The following HK1 variants were observed in gnomAD, a reference collection of about 807,000 sequenced individuals.
HK1 encodes hexokinase 1.
HK1 carries 28 observed loss-of-function variants against 91.6 expected under a neutral mutation model. The ratio of observed to expected loss-of-function variants is 0.31; its 90% CI spans 0.23 to 0.42. The LOEUF is 0.42. Ranked by LOEUF, HK1 falls within the 10% of genes least tolerant of loss-of-function variation. HK1 has a pLI of 1.00. For synonymous variants in HK1, 430 were observed against 468.1 expected (o/e 0.92, Z 1.05); for missense variants, 770 against 1,219.8 (o/e 0.63, Z 5.49).
chr10:69,312,761 A>G (rs760830134), upstream of HK1, among the ~76,000 whole-genome samples: 1 of 152,176 alleles, frequency 6.6e-6, no homozygotes, highest in African/African-American at 2.4e-5. Flanking sequence ...AGAGAATCAG[A>G]TAACGGGAAG....
rs541235416 is a variant in HK1 at position 69,357,163 on chromosome 10, A to G, written c.227-2734A>G. ...CTTGAAAAGTTAAACATGGGTTACT[A>G]TTTGACAGCGATTCTTGTCCTAGGT... On this transcript the variant is annotated intron_variant, in intron 2 of 17. Coordinates refer to ENST00000359426, the MANE Select transcript of HK1 (RefSeq NM_000188.3). 1.2e-3 allele frequency among the ~76,000 whole-genome samples: 183 copies of G among 152,330 alleles called. 1 individual carries two copies. Among genetic ancestry groups the G allele is most frequent in the Non-Finnish European group, 1.7e-3 (119 of 68,030 alleles).
At chr10:69,331,932 G>T (rs1454364335) in intron 1 of HK1, among the ~76,000 whole-genome samples, 1 of 151,994 alleles carries the variant, frequency 6.6e-6, no homozygotes, top group Non-Finnish European at 1.5e-5. Context: ...ACAACATTTT[G>T]GATATACTGG....
At chr10:69,335,268 G>T (rs564935264) in intron 1 of HK1, among the ~76,000 whole-genome samples, 1 of 152,320 alleles carries the variant, frequency 6.6e-6, no homozygotes, top group South Asian at 2.1e-4. Flanking sequence ...GCGGGCCCAG[G>T]CTCTCAGCTT....
In HK1 at chr10:69,280,156, C is replaced by T. The variant is rs185238709; in HGVS notation, c.-390-2373C>T. Among the ~76,000 whole-genome samples the T allele has an allele frequency of 1.6e-3, 244 of 152,108 alleles. 1 individual carries two copies. Among genetic ancestry groups the T allele is most frequent in the Middle Eastern group, 3.4e-3 (1 of 294 alleles). On this transcript the variant is annotated intron_variant, in intron 1 of 21. Transcript: ENST00000360289. ...TTTTTTTTTTAGACAGAGTCTCGCA[C>T]TGTCACCCAGGCTGGAGAGATCTCG...
chr10:69,330,246 C>T (rs1395896916), intron 1 of HK1, among the ~76,000 whole-genome samples: 1 of 152,136 alleles, frequency 6.6e-6, no homozygotes, highest in Non-Finnish European at 1.5e-5. Flanking sequence ...AGTAGGAGAC[C>T]CAGGCTACTG....
At chr10:69,318,794 C>T (rs976340783), upstream of HK1, 4 of 1,375,728 alleles carry the variant, frequency 2.9e-6, no homozygotes, top group Non-Finnish European at 3.8e-6. Context: ...ACCGGGAGCG[C>T]GCGAGCTGTC....
intron 7 of HK1, among the ~76,000 whole-genome samples, chr10:69,370,297 G>T (rs557165501): frequency 3.9e-4 from 59 of 151,874 alleles, no homozygotes; most frequent in Non-Finnish European, 7.5e-4. Flanking sequence ...AGATCAAGAG[G>T]TGAATGGGAG....
chr10:69,324,201 A>G, intron 1 of HK1, among the ~76,000 whole-genome samples: 1 of 152,200 alleles, frequency 6.6e-6, no homozygotes, highest in Non-Finnish European at 1.5e-5. Flanking sequence ...ATTTCTTTAA[A>G]AAATGTTTGA....
At chr10:69,318,714 C>G, upstream of HK1, 6 of 734,262 alleles carry the variant, frequency 8.2e-6, no homozygotes, top group Non-Finnish European at 9.8e-6. Flanking sequence ...AGAGGCGCGC[C>G]GCAACCAATG....
intron 15 of HK1, 119 bp from the exon 16 acceptor site, chr10:69,394,831 A>T (rs1840063536): frequency 8.2e-6 from 8 of 979,996 alleles, no homozygotes; most frequent in Non-Finnish European, 1.1e-5. Flanking sequence ...GGCTGGGCAC[A>T]TGGCTGTTGA....
At chr10:69,273,104 C>A (rs1844258503) in intron 1 of HK1, among the ~76,000 whole-genome samples, 1 of 149,512 alleles carries the variant, frequency 6.7e-6, no homozygotes, top group Non-Finnish European at 1.5e-5. Context: ...AATCTCAGCT[C>A]ACTGAAATTT....
At position 69,401,680 on chromosome 10, in the gene HK1, G is replaced by A. The variant is rs1840399472; in HGVS notation, c.*545G>A. 7 of 307,196 alleles carry A rather than the reference G, an allele frequency of 2.3e-5. No homozygotes were observed. Among genetic ancestry groups the A allele is most frequent in the South Asian group, 5.2e-5 (2 of 38,344 alleles). 19.0% of individuals were successfully genotyped at this position (307,196 alleles called of 1,614,324 possible). ...CGTGGTGTGTCAATGCCACAAAATC[G>A]TGTGTCCGTGGAACCAGTCCTAGCC... On this transcript the variant is annotated 3_prime_UTR_variant, in exon 18 of 18. Transcript: ENST00000359426.
At chr10:69,341,839 T>C (rs1848305968) in intron 1 of HK1, among the ~76,000 whole-genome samples, 2 of 152,000 alleles carry the variant, frequency 1.3e-5, no homozygotes, top group South Asian at 2.1e-4. Context: ...AAAAAGGTGG[T>C]AGGGCTAGTG....
At chr10:69,328,388 C>T (rs1371089250) in intron 1 of HK1, among the ~76,000 whole-genome samples, 1 of 152,212 alleles carries the variant, frequency 6.6e-6, no homozygotes, top group Non-Finnish European at 1.5e-5. Flanking sequence ...AGGCGCCCGG[C>T]TTTTCTTTTT....
intron 1 of HK1, among the ~76,000 whole-genome samples, chr10:69,338,848 AGAG>A (rs1228128336): frequency 6.6e-6 from 1 of 151,978 alleles, no homozygotes; most frequent in Non-Finnish European, 1.5e-5. Flanking sequence ...GATGCTGTGG[AGAG>A]GAGGACAGAA....
In HK1 at chr10:69,276,108, A is replaced by ATATATAT. The variant is rs1352397297; in HGVS notation, c.-391+6000_-391+6001insTATATAT. Among the ~76,000 whole-genome samples the ATATATAT allele has an allele frequency of 1.7e-3, 84 of 48,912 alleles. 1 individual carries two copies. The highest frequency in any genetic ancestry group is 3.2e-3 in the Non-Finnish European group (79 of 25,034). 32.1% of individuals were successfully genotyped at this position (48,912 alleles called of 152,430 possible). Reference sequence around the variant, plus strand: ...TCCTTTTCAAAAAAAAAAAAAAAAAAAAAAAAAAAAATACATATATATATA... The same window carrying ATATATAT: ...TCCTTTTCAAAAAAAAAAAAAAAAAATATATATAAAAAAAAAAATACATATATATATA... On this transcript the variant is annotated intron_variant, in intron 1 of 21. Coordinates refer to the HK1 transcript ENST00000360289.
At position 69,385,677 on chromosome 10, in the gene HK1, C is replaced by T. The variant is rs191484660; in HGVS notation, c.1840-646C>T. 3.0e-4 allele frequency among the ~76,000 whole-genome samples: 46 copies of T among 152,270 alleles called. 1 individual carries two copies. In the East Asian group the frequency reaches 8.3e-3, roughly 27 times the overall value. On this transcript the variant is annotated intron_variant, in intron 12 of 17. Coordinates refer to ENST00000359426, the MANE Select transcript of HK1 (RefSeq NM_000188.3). ...AGGGTTTAAGGCTTAATGAGCAGCC[C>T]TAGGAGAGTTAGGTAGGGTCACCTA...
intron 4 of HK1, among the ~76,000 whole-genome samples, chr10:69,367,272 C>T (rs1380692978): frequency 6.6e-6 from 1 of 152,208 alleles, no homozygotes; most frequent in Non-Finnish European, 1.5e-5. Context: ...AGCACAGACC[C>T]TCAATTTCCC....
At chr10:69,383,274 A>C (rs1453198934) in intron 10 of HK1, among the ~76,000 whole-genome samples, 1 of 152,244 alleles carries the variant, frequency 6.6e-6, no homozygotes, top group Non-Finnish European at 1.5e-5. Context: ...CAGAAGGATA[A>C]ACACTCAGTG....
Sources: allele counts gnomAD v4.1 joint callset (sites outside exome capture counted in the v4.1 genomes callset), GRCh38; gene constraint gnomAD v4.1.1; transcripts MANE v1.5; gene names NCBI Gene and HGNC (gene_info 2026-07-23, HGNC 2026-07-21).